STARD9: variants seen among roughly 807,000 people sequenced by gnomAD.
STARD9 encodes the protein stAR-related lipid transfer protein 9.
A neutral mutation model predicts 399.8 loss-of-function variants in STARD9; 346 were observed. The ratio of observed to expected loss-of-function variants is 0.87; its 90% confidence interval spans 0.79 to 0.95. The LOEUF (loss-of-function observed/expected upper bound fraction) is 0.95. STARD9 is among the 40% of genes least tolerant of loss of function. The pLI is 0.00. For synonymous variants in STARD9, 2,203 were observed against 2,143.5 expected (o/e 1.03, Z -0.77); for missense variants, 5,832 against 5,667.5 (o/e 1.03, Z -0.93).
At chr15:42,653,525 C>G (rs749667921) in intron 9 of STARD9, among the ~76,000 whole-genome samples, 3 of 152,112 alleles carry the variant, frequency 2.0e-5, no homozygotes, top group Non-Finnish European at 4.4e-5. Context: ...TTAAAAACAG[C>G]TAGAGAAAAG....
intron 3 of STARD9, among the ~76,000 whole-genome samples, chr15:42,630,406 T>G (rs1357915192): frequency 6.6e-6 from 1 of 152,220 alleles, no homozygotes; most frequent in African/African-American, 2.4e-5. Flanking sequence ...TTTTCTTTTT[T>G]TGATGTATCT....
rs775283494 is a variant in STARD9, at chr15:42,691,212, G to A, written c.9634G>A (p.Glu3212Lys). The A allele has an allele frequency of 1.2e-5, 19 of 1,537,184 alleles. No homozygotes were observed. The highest frequency in any genetic ancestry group is 1.6e-5 in the Non-Finnish European group (18 of 1,146,922). Residue 3212 changes from glutamate to lysine, a missense_variant, in exon 23 of 33, where the codon GAA (glutamate) becomes AAA (lysine). Physicochemically the swap from Glu to Lys is moderately conservative, Grantham distance 56. Around this residue, in one of 2 missense-constraint regions of STARD9, gnomAD observed 5,828 missense variants for 5,651.1 expected, o/e 1.03. Coordinates refer to ENST00000290607, the MANE Select transcript of STARD9 (RefSeq NM_020759.3). ...SPQEDSPWQEEEQHRDQASGG... is the reference protein window; with the variant it reads ...SPQEDSPWQEKEQHRDQASGG... ...CCAGGAAGACAGTCCCTGGCAGGAA[G>A]AAGAGCAGCACAGAGACCAGGCTTC...
At chr15:42,600,905 T>C (rs1378685876) in intron 3 of STARD9, among the ~76,000 whole-genome samples, 1 of 151,314 alleles carries the variant, frequency 6.6e-6, no homozygotes, top group African/African-American at 2.4e-5. Context: ...TTCTTGGGTG[T>C]TTCTCGGAGA....
rs1395227737 is a variant in STARD9 at position 42,626,564 on chromosome 15, G to A, written c.235-8292G>A. Among the ~76,000 whole-genome samples, 4 of 150,962 alleles carry A rather than the reference G, an allele frequency of 2.6e-5. No homozygotes were observed. The South Asian group carries it at 8.4e-4, about 32-fold the overall frequency. ...TGCCCAGGCTGGAGCGCAGTGGCGC[G>A]ATTTCGGCTCACTGCAGCCTCCGCC... On this transcript the variant is annotated intron_variant, in intron 3 of 32. Coordinates refer to ENST00000290607, the MANE Select transcript of STARD9 (RefSeq NM_020759.3).
chr15:42,704,303 A>C (rs1287727076), intron 26 of STARD9, among the ~76,000 whole-genome samples: 1 of 152,224 alleles, frequency 6.6e-6, no homozygotes, highest in Non-Finnish European at 1.5e-5. Flanking sequence ...ACCTCAAAAC[A>C]ACTATTTTGA....
chr15:42,695,351 C>A (rs535565144), intron 25 of STARD9, 28 bp downstream of exon 25: 1 of 1,506,444 alleles, frequency 6.6e-7, no homozygotes, highest in South Asian at 1.3e-5. Flanking sequence ...CCTCTGATTT[C>A]AGGATAGGCC....
rs553075128 is a variant in STARD9 at position 42,578,164 on chromosome 15, G to A, written c.47+2402G>A. On this transcript the variant is annotated intron_variant, in intron 1 of 32. Coordinates refer to ENST00000290607, the MANE Select transcript of STARD9 (RefSeq NM_020759.3). ...CTCACTCTGTCACCCAGGCTGGAGT[G>A]CAATGGCGCGATCTCAGCTCACTGA... 1.3e-4 allele frequency among the ~76,000 whole-genome samples: 20 copies of A among 150,922 alleles called. No homozygotes were observed. In the South Asian group the frequency reaches 4.0e-3, roughly 30 times the overall value.
intron 3 of STARD9, among the ~76,000 whole-genome samples, chr15:42,589,255 T>C (rs1189742866): frequency 6.6e-6 from 1 of 152,220 alleles, no homozygotes; most frequent in Non-Finnish European, 1.5e-5. Flanking sequence ...TCTTGCTGTA[T>C]TGTCTAGGCT....
rs929128590 is a variant in STARD9 at position 42,691,911 on chromosome 15, G to A, written c.10333G>A (p.Val3445Ile). Residue 3445 changes from valine to isoleucine, a missense_variant, in exon 23 of 33, where the codon GTT becomes ATT. Around this residue, in one of 2 missense-constraint regions of STARD9, gnomAD observed 5,828 missense variants for 5,651.1 expected, o/e 1.03. Coordinates refer to ENST00000290607, the MANE Select transcript of STARD9 (RefSeq NM_020759.3). ...QGKREKLGVQ[V>I]RPENWCSQMD... The stretch of plus-strand genomic sequence containing the variant: ...AAAGCGAGAGAAACTGGGTGTCCAG[G>A]TTAGGCCAGAAAATTGGTGCTCTCA... The A allele has an allele frequency of 5.9e-6, 9 of 1,537,162 alleles. No individual in the cohort carries two copies. The African/African-American group carries it at 1.1e-4, about 19-fold the overall frequency.
intron 26 of STARD9, among the ~76,000 whole-genome samples, chr15:42,710,625 AG>A (rs932714612): frequency 2.0e-5 from 3 of 152,288 alleles, no homozygotes; most frequent in African/African-American, 7.2e-5. Context: ...GAATGTTTTC[AG>A]GATTGTGTTA....
chr15:42,698,731 T>C (rs1343983650), intron 26 of STARD9, among the ~76,000 whole-genome samples: 1 of 152,228 alleles, frequency 6.6e-6, no homozygotes, highest in African/African-American at 2.4e-5. Context: ...AAAGAATTTC[T>C]TCCATGGTTT....
At chr15:42,706,054 G>A (rs967618594) in intron 26 of STARD9, among the ~76,000 whole-genome samples, 2 of 151,790 alleles carry the variant, frequency 1.3e-5, no homozygotes, top group African/African-American at 4.9e-5. Flanking sequence ...CACCCGTCCT[G>A]TTGTTTATTT....
chr15:42,636,118 G>T (rs1245614663), intron 4 of STARD9, among the ~76,000 whole-genome samples: 1 of 152,106 alleles, frequency 6.6e-6, no homozygotes, highest in Non-Finnish European at 1.5e-5. Context: ...GCAACATAGG[G>T]AGACTCCATC....
At position 42,686,221 on chromosome 15, in the gene STARD9, C is replaced by T; in HGVS notation, c.4643C>T (p.Pro1548Leu). 6.5e-7 allele frequency: 1 copy of T among 1,537,682 alleles called. No homozygotes were observed. The highest frequency in any genetic ancestry group is 8.7e-7 in the Non-Finnish European group (1 of 1,147,010). Reference protein sequence around the residue: ...VSSNLNLNNFPVHLSRIRRLR... With the variant: ...VSSNLNLNNFLVHLSRIRRLR... ...AGCAATCTGAATCTCAACAACTTTC[C>T]AGTCCATCTGTCCAGAATCAGGCGT... The change falls in exon 23 of 33, where the codon CCA becomes CTA. Residue 1548 changes from proline to leucine, a missense_variant. Physicochemically the swap from Pro to Leu is moderately conservative, Grantham distance 98. Around this residue, in one of 2 missense-constraint regions of STARD9, gnomAD observed 5,828 missense variants for 5,651.1 expected, o/e 1.03. Transcript: ENST00000290607.
intron 4 of STARD9, among the ~76,000 whole-genome samples, chr15:42,636,160 G>T (rs1226946413): frequency 6.6e-6 from 1 of 152,108 alleles, no homozygotes; most frequent in Non-Finnish European, 1.5e-5. Flanking sequence ...AGCTGGGTGT[G>T]GGGGCACATC....
chr15:42,694,331 G>A lies in STARD9; in HGVS notation c.12753G>A (p.Glu4251=). Reference sequence around the variant, plus strand: ...AACCTGTGACATCCACCTGGAAGGAGCTCTATGCACGGTAAGGACCCCCAG... The same window carrying A: ...AACCTGTGACATCCACCTGGAAGGAACTCTATGCACGGTAAGGACCCCCAG... ...ADEPVTSTWK[E]LYARQKKAIE... Residue 4251 remains glutamate, a synonymous_variant, in exon 23 of 33, where the codon GAG becomes GAA. Transcript: ENST00000290607. The A allele has an allele frequency of 6.6e-7, 1 of 1,526,674 alleles. No homozygotes were observed. The highest frequency in any genetic ancestry group is 8.8e-7 in the Non-Finnish European group (1 of 1,140,886). 94.6% of individuals were successfully genotyped at this position (1,526,674 alleles called of 1,614,324 possible). A position where few individuals can be genotyped will look rare whatever the true frequency, so the allele number is the denominator to read the frequency against.
At position 42,635,052 on chromosome 15, in the gene STARD9, T is replaced by A. The variant is rs571887256; in HGVS notation, c.351+80T>A. 9.8e-5 allele frequency: 65 copies of A among 664,072 alleles called. No individual in the cohort carries two copies. In the South Asian group the frequency reaches 1.6e-3, roughly 16 times the overall value. 41.1% of individuals were successfully genotyped at this position (664,072 alleles called of 1,614,324 possible). ...TTGTCCTTACTACTGTGAGACAGAA[T>A]ATGATTTCTGTAGGCAGTCAACTTT... On this transcript the variant is annotated intron_variant, in intron 4 of 32. Transcript: ENST00000290607.
intron 1 of STARD9, among the ~76,000 whole-genome samples, chr15:42,577,043 G>A (rs2058070660): frequency 6.6e-6 from 1 of 152,108 alleles, no homozygotes; most frequent in African/African-American, 2.4e-5. Context: ...GGTAGTCTCT[G>A]GTATATTCTG....
chr15:42,611,935 T>G (rs2058857904), intron 3 of STARD9, among the ~76,000 whole-genome samples: 1 of 152,174 alleles, frequency 6.6e-6, no homozygotes, highest in Non-Finnish European at 1.5e-5. Flanking sequence ...CCAAAAGAGT[T>G]GATCAGTTAA....
Sources: allele counts gnomAD v4.1 joint callset (sites outside exome capture counted in the v4.1 genomes callset), GRCh38; gene constraint gnomAD v4.1.1; regional missense constraint gnomAD v4.1.1; transcripts MANE v1.5; gene names NCBI Gene and HGNC (gene_info 2026-07-23, HGNC 2026-07-21).